Variants in COG3 observed in about 807,000 individuals in gnomAD.
COG3 encodes conserved oligomeric Golgi complex subunit 3.
COG3 carries 32 observed loss-of-function variants against 114.1 expected under a neutral mutation model. That is an observed-to-expected ratio of 0.28 (90% CI 0.21 to 0.38). COG3 has a LOEUF of 0.38. Ranked by LOEUF, COG3 falls within the 10% of genes least tolerant of loss-of-function variation. COG3 has a pLI of 1.00. For missense variants in COG3, 813 were observed against 973.2 expected, an observed-to-expected ratio of 0.84 and a Z score of 2.19; for synonymous variants, 352 against 365.7, an observed-to-expected ratio of 0.96 and a Z score of 0.43.
At chr13:45,532,395 A>T (rs979620347) in intron 22 of COG3, among the ~76,000 whole-genome samples, 1 of 151,706 alleles carries the variant, frequency 6.6e-6, no homozygotes, top group African/African-American at 2.4e-5. Flanking sequence ...ATTTTGATTT[A>T]ATTTTGTTTC....
chr13:45,490,976 A>T lies in COG3; in HGVS notation c.968+18A>T. On this transcript the variant is annotated intron_variant, in intron 9 of 22. Coordinates refer to ENST00000349995, the MANE Select transcript of COG3 (RefSeq NM_031431.4). ...ATACCTGAGTGAGTACCTAGAAGTT[A>T]ATCTGATTTCCACATGAACCTTTGT... 6.5e-7 allele frequency: 1 copy of T among 1,539,378 alleles called. No homozygotes were observed. The highest frequency in any genetic ancestry group is 9.0e-7 in the Non-Finnish European group (1 of 1,116,206).
intron 14 of COG3, among the ~76,000 whole-genome samples, chr13:45,508,174 C>G (rs1457820129): frequency 6.7e-6 from 1 of 149,288 alleles, no homozygotes; most frequent in Non-Finnish European, 1.5e-5. Context: ...AACCTACAGG[C>G]CTTCTTGTAA....
In COG3 at chr13:45,500,306, A is replaced by G. The variant is rs527844343; in HGVS notation, c.1489-2938A>G. ...ATGTAATCTAATTTTTGCCAGGTCT[A>G]AACACTAATCTTGCTTAATTAGTTT... is the stretch of plus-strand genomic sequence containing the variant. On this transcript the variant is annotated intron_variant, in intron 13 of 22. Coordinates refer to ENST00000349995, the MANE Select transcript of COG3 (RefSeq NM_031431.4). Among the ~76,000 whole-genome samples the G allele has an allele frequency of 1.5e-3, 222 of 152,244 alleles. 2 individuals carry two copies. Among genetic ancestry groups the G allele is most frequent in the African/African-American group, 4.5e-3 (188 of 41,544 alleles).
intron 5 of COG3, 116 bp from the exon 6 acceptor site, chr13:45,482,265 T>C: frequency 1.9e-6 from 1 of 516,754 alleles, no homozygotes; most frequent in South Asian, 3.0e-5. Context: ...CTTTTAAAAT[T>C]TATTATAAAG....
chr13:45,465,327 G>C, intron 1 of COG3, 117 bp downstream of exon 1: 2 of 1,422,718 alleles, frequency 1.4e-6, no homozygotes, highest in East Asian at 2.7e-5. Flanking sequence ...CTCCTCCCTG[G>C]CCATGGTGGC....
Position 45,516,202 on chromosome 13 carries a change from T to C in COG3, c.1869T>C (p.Ile623=). Reference sequence around the variant, plus strand: ...ACCTTTTGATACTTCGTGAACAAATTGCTCCATTTCACACTGAATTCACCA... The same window carrying C: ...ACCTTTTGATACTTCGTGAACAAATCGCTCCATTTCACACTGAATTCACCA... ...IKHLLILREQ[I]APFHTEFTIK... The change falls in exon 17 of 23, where the codon ATT becomes ATC. Residue 623 remains isoleucine (I), a synonymous_variant. Coordinates refer to ENST00000349995, the MANE Select transcript of COG3 (RefSeq NM_031431.4). 1.2e-6 allele frequency: 2 copies of C among 1,602,094 alleles called. No homozygotes were observed. The highest frequency in any genetic ancestry group is 1.7e-6 in the Non-Finnish European group (2 of 1,171,266).
chr13:45,496,255 G>T lies in COG3; in HGVS notation c.1431G>T (p.Thr477=), dbSNP rs759015118. 1.9e-6 allele frequency: 3 copies of T among 1,612,038 alleles called. No homozygotes were observed. Among genetic ancestry groups the T allele is most frequent in the Non-Finnish European group, 1.7e-6 (2 of 1,178,964 alleles). ...RTHIYIQTDI[T]GYKPAPGDLA... ...ACATCTATATTCAGACGGACATCAC[G>T]GGCTATAAACCAGCTCCTGGAGATC... The change falls in exon 13 of 23, where the codon ACG becomes ACT. Residue 477 remains threonine, a synonymous_variant. Coordinates refer to ENST00000349995, the MANE Select transcript of COG3 (RefSeq NM_031431.4).
intron 14 of COG3, among the ~76,000 whole-genome samples, chr13:45,507,293 G>T (rs754561513): frequency 6.6e-6 from 1 of 152,098 alleles, no homozygotes; most frequent in Non-Finnish European, 1.5e-5. Context: ...ATTCTTTGAT[G>T]TAATTTGTTT....
At chr13:45,479,702 A>G (rs1166063054) in intron 3 of COG3, among the ~76,000 whole-genome samples, 1 of 152,240 alleles carries the variant, frequency 6.6e-6, no homozygotes, top group African/African-American at 2.4e-5. Context: ...GACTGGGCAG[A>G]GCTGGGGCTT....
chr13:45,520,575 C>T (rs1031609985), intron 19 of COG3, among the ~76,000 whole-genome samples: 3 of 152,024 alleles, frequency 2.0e-5, no homozygotes, highest in Non-Finnish European at 2.9e-5. Context: ...ACAGAAAATA[C>T]GAGTTTTAAA....
intron 20 of COG3, among the ~76,000 whole-genome samples, chr13:45,526,755 TA>T (rs1378793538): frequency 2.0e-5 from 3 of 152,178 alleles, no homozygotes; most frequent in African/African-American, 7.2e-5. Flanking sequence ...CTTAATACAG[TA>T]GTACATTCTG....
chr13:45,482,335 T>G (rs755852588), intron 5 of COG3, 46 bp from the exon 6 acceptor site: 1 of 986,582 alleles, frequency 1.0e-6, no homozygotes, highest in South Asian at 1.4e-5. Flanking sequence ...AACTTTTATC[T>G]GTATCATTTT....
chr13:45,480,320 A>G (rs1239787119), intron 4 of COG3, 30 bp downstream of exon 4: 2 of 1,433,428 alleles, frequency 1.4e-6, no homozygotes, highest in Middle Eastern at 1.8e-4. Flanking sequence ...AGGATCAGTC[A>G]TTATATTTAA....
chr13:45,471,505 A>G (rs1885480023), intron 1 of COG3, among the ~76,000 whole-genome samples: 2 of 152,192 alleles, frequency 1.3e-5, no homozygotes, highest in Non-Finnish European at 2.9e-5. Context: ...TACATATGTT[A>G]TAAACCCACA....
chr13:45,520,695 G>C (rs2137908275), intron 19 of COG3, among the ~76,000 whole-genome samples: 1 of 103,448 alleles, frequency 9.7e-6, no homozygotes, highest in African/African-American at 2.9e-5. Context: ...TGCAATGTGT[G>C]CATATGCATT....
chr13:45,486,781 C>T (rs922242759), intron 8 of COG3, among the ~76,000 whole-genome samples: 1 of 152,110 alleles, frequency 6.6e-6, no homozygotes, highest in Non-Finnish European at 1.5e-5. Flanking sequence ...CTAGCTTTTC[C>T]TGTGATGCTC....
At chr13:45,494,202 A>G (rs1868443472) in intron 12 of COG3, among the ~76,000 whole-genome samples, 1 of 151,866 alleles carries the variant, frequency 6.6e-6, no homozygotes, top group Admixed American at 6.6e-5. Context: ...GCAGGCGCCT[A>G]TAATCTCAAC....
At chr13:45,485,234 A>AC (rs1305681871) in intron 7 of COG3, among the ~76,000 whole-genome samples, 16 of 56,538 alleles carry the variant, frequency 2.8e-4, no homozygotes, top group East Asian at 9.9e-4. Flanking sequence ...AGGGGGGCTG[A>AC]CCCCCCCCAC....
chr13:45,516,143 A>G lies in COG3; in HGVS notation c.1810A>G (p.Thr604Ala). ...TCCATTTTTCTGTCTTATAATTTAG[A>G]CTCAGATTGATGGACAACTTTTCTT... is the stretch of plus-strand genomic sequence containing the variant. The part of the protein sequence containing the change: ...GASESISKNK[T>A]QIDGQLFLIK... Residue 604 changes from threonine (T) to alanine (A), a missense_variant and splice_region_variant, in exon 17 of 23, where the codon ACT (threonine) becomes GCT (alanine). By Grantham distance (58) the Thr-to-Ala change is moderately conservative. Transcript: ENST00000349995. 6.4e-7 allele frequency: 1 copy of G among 1,561,530 alleles called. No individual in the cohort carries two copies. The highest frequency in any genetic ancestry group is 8.7e-7 in the Non-Finnish European group (1 of 1,144,116).
Sources: gnomAD v4.1 joint callset for allele counts (sites outside exome capture counted in the v4.1 genomes callset) on GRCh38, gnomAD v4.1.1 for gene constraint, MANE v1.5 for transcripts, NCBI Gene and HGNC (gene_info 2026-07-23, HGNC 2026-07-21) for gene names.